ITM2B: variants seen among roughly 807,000 people sequenced by gnomAD.
The protein encoded by ITM2B is integral membrane protein 2B.
A neutral mutation model predicts 27.8 loss-of-function variants in ITM2B; 11 were observed. The ratio of observed to expected loss-of-function variants is 0.40; its 90% CI spans 0.25 to 0.66. The LOEUF is 0.66. ITM2B is among the 30% of genes least tolerant of loss of function. The pLI is 0.43. For synonymous variants in ITM2B, 114 were observed against 114.3 expected, an observed-to-expected ratio of 1.00 and a Z score of 0.02; for missense variants, 296 against 328.9, an observed-to-expected ratio of 0.90 and a Z score of 0.77.
At chr13:48,242,198 T>G (rs1249676218) in intron 1 of ITM2B, among the ~76,000 whole-genome samples, 1 of 152,204 alleles carries the variant, frequency 6.6e-6, no homozygotes, top group African/African-American at 2.4e-5. Context: ...ATTTGAGTAT[T>G]GTAGTATACT....
rs1419963314 is a variant in ITM2B at position 48,262,948 on chromosome 13, A to G, written c.*1724A>G. 1.3e-5 allele frequency: 2 copies of G among 152,030 alleles called. No individual in the cohort carries two copies. The highest frequency in any genetic ancestry group is 2.9e-5 in the Non-Finnish European group (2 of 67,994). 9.4% of individuals were successfully genotyped at this position (152,030 alleles called of 1,614,324 possible). ...TATTGAAGTTTTGCATTTTGGAAGG[A>G]GCTTATTAGTTTGTTTTCCTGTTGA... On this transcript the variant is annotated 3_prime_UTR_variant, in exon 6 of 6. Coordinates refer to ENST00000647800, the MANE Select transcript of ITM2B (RefSeq NM_021999.5).
intron 1 of ITM2B, among the ~76,000 whole-genome samples, chr13:48,252,066 A>G (rs1433101599): frequency 2.0e-5 from 3 of 152,188 alleles, no homozygotes; most frequent in Non-Finnish European, 4.4e-5. Context: ...TGACATTCTC[A>G]TAGCAATGCA....
Position 48,235,562 on chromosome 13 carries a change from G to A in ITM2B, c.117+2085G>A, listed in dbSNP as rs1045601683. On this transcript the variant is annotated intron_variant, in intron 1 of 5. Coordinates refer to ENST00000647800, the MANE Select transcript of ITM2B (RefSeq NM_021999.5). ...CCTTATAATCAGTCAGTCGCTTAAC[G>A]GGAAAAGGAAAACCTTAATGACAGA... Among the ~76,000 whole-genome samples, 12 of 152,170 alleles carry A rather than the reference G, an allele frequency of 7.9e-5. 1 individual carries two copies. The highest frequency in any genetic ancestry group is 2.7e-4 in the African/African-American group (11 of 41,434).
chr13:48,244,299 T>C (rs1040507653), intron 1 of ITM2B, among the ~76,000 whole-genome samples: 1 of 152,224 alleles, frequency 6.6e-6, no homozygotes, highest in Non-Finnish European at 1.5e-5. Flanking sequence ...CTATATTTAT[T>C]CTTAGAAGAA....
At position 48,268,016 on chromosome 13, in the gene ITM2B, A is replaced by G. The variant is rs1290994652; in HGVS notation, c.*6792A>G. On this transcript the variant is annotated 3_prime_UTR_variant, in exon 6 of 6. Transcript: ENST00000647800. ...TGTTAACAATCATCAAAACATTTTCATTGCCCCAGAAAATACCATTGTGCT... is the reference window on the plus strand; with the variant it reads ...TGTTAACAATCATCAAAACATTTTCGTTGCCCCAGAAAATACCATTGTGCT... 6.6e-6 allele frequency: 1 copy of G among 152,132 alleles called. No homozygotes were observed. Among genetic ancestry groups the G allele is most frequent in the African/African-American group, 2.4e-5 (1 of 41,438 alleles). The allele number at this position is 152,132 out of a possible 1,614,324, so 9.4% of individuals were successfully genotyped here.
rs886889474 is a variant in ITM2B, at chr13:48,261,720, G to C, written c.*496G>C. The C allele has an allele frequency of 3.3e-5, 5 of 153,034 alleles. No individual in the cohort carries two copies. Among genetic ancestry groups the C allele is most frequent in the African/African-American group, 1.2e-4 (5 of 41,408 alleles). The allele number at this position is 153,034 out of a possible 1,614,324, so 9.5% of individuals were successfully genotyped here. On this transcript the variant is annotated 3_prime_UTR_variant, in exon 6 of 6. Transcript: ENST00000647800. Reference sequence around the variant, plus strand: ...AGTGTCAAATATATTTAACTATTTAGAGAATGATTTCCACCTTTATGTTTT... The same window carrying C: ...AGTGTCAAATATATTTAACTATTTACAGAATGATTTCCACCTTTATGTTTT...
At chr13:48,259,172 G>A (rs917507235) in intron 5 of ITM2B, among the ~76,000 whole-genome samples, 7 of 152,186 alleles carry the variant, frequency 4.6e-5, no homozygotes, top group African/African-American at 1.7e-4. Flanking sequence ...ATTGCCTTGA[G>A]ATGATGGTAC....
chr13:48,236,393 T>C (rs1252616963), intron 1 of ITM2B, among the ~76,000 whole-genome samples: 2 of 152,236 alleles, frequency 1.3e-5, no homozygotes, highest in Admixed American at 6.5e-5. Flanking sequence ...GTCCCAGTTT[T>C]GTCATTACAT....
At position 48,264,572 on chromosome 13, in the gene ITM2B, CAA is replaced by C. The variant is rs1302449213; in HGVS notation, c.*3350_*3351del. 6.6e-6 allele frequency: 1 copy of C among 152,160 alleles called. No homozygotes were observed. Among genetic ancestry groups the C allele is most frequent in the Non-Finnish European group, 1.5e-5 (1 of 68,026 alleles). 9.4% of individuals were successfully genotyped at this position (152,160 alleles called of 1,614,324 possible). A position where few individuals can be genotyped will look rare whatever the true frequency, so the allele number is the denominator to read the frequency against. ...ACTAGACATCTTCTCTTCCACCTAG[CAA>C]AGAGTTTGTTGCCCAGAGTTATATA... is the stretch of plus-strand genomic sequence containing the variant. On this transcript the variant is annotated 3_prime_UTR_variant, in exon 6 of 6. Transcript: ENST00000647800.
At position 48,264,197 on chromosome 13, in the gene ITM2B, AGTT is replaced by A. The variant is rs1265592937; in HGVS notation, c.*2978_*2980del. The A allele has an allele frequency of 2.6e-5, 4 of 152,300 alleles. No individual in the cohort carries two copies. The East Asian group carries it at 7.7e-4, about 29-fold the overall frequency. The allele number at this position is 152,300 out of a possible 1,614,324, so 9.4% of individuals were successfully genotyped here. Reference sequence around the variant, plus strand: ...GAAAATGCTTCATACAGCTCTGTACAGTTGTTGACAGTGCCTTTTTTGAAACCT... The same window carrying A: ...GAAAATGCTTCATACAGCTCTGTACAGTTGACAGTGCCTTTTTTGAAACCT... On this transcript the variant is annotated 3_prime_UTR_variant, in exon 6 of 6. Coordinates refer to ENST00000647800, the MANE Select transcript of ITM2B (RefSeq NM_021999.5).
chr13:48,244,375 A>G (rs1951714590), intron 1 of ITM2B, among the ~76,000 whole-genome samples: 1 of 152,210 alleles, frequency 6.6e-6, no homozygotes, highest in African/African-American at 2.4e-5. Flanking sequence ...CAATATTACC[A>G]CTGAGTTTTT....
chr13:48,247,182 T>C, intron 1 of ITM2B, among the ~76,000 whole-genome samples: 1 of 152,164 alleles, frequency 6.6e-6, no homozygotes, highest in East Asian at 1.9e-4. Flanking sequence ...GTCCCAGCTG[T>C]TTTGCTGTTT....
intron 5 of ITM2B, among the ~76,000 whole-genome samples, chr13:48,260,502 C>T (rs1951815719): frequency 6.6e-6 from 1 of 152,116 alleles, no homozygotes; most frequent in Non-Finnish European, 1.5e-5. Flanking sequence ...TTTTTCAACC[C>T]TTACCTCCTC....
chr13:48,248,684 A>G (rs1386206635), intron 1 of ITM2B, among the ~76,000 whole-genome samples: 1 of 152,216 alleles, frequency 6.6e-6, no homozygotes, highest in Admixed American at 6.5e-5. Context: ...CATAAAATAC[A>G]CTAACAATAG....
At chr13:48,252,554 C>G (rs1482849750) in intron 1 of ITM2B, among the ~76,000 whole-genome samples, 2 of 152,200 alleles carry the variant, frequency 1.3e-5, no homozygotes, top group African/African-American at 4.8e-5. Context: ...GAAACCATAT[C>G]CCAACACCCC....
Position 48,266,749 on chromosome 13 carries a change from G to A in ITM2B, c.*5525G>A, listed in dbSNP as rs1295289980. On this transcript the variant is annotated 3_prime_UTR_variant, in exon 6 of 6. Transcript: ENST00000647800. The stretch of plus-strand genomic sequence containing the variant: ...TTATACTTTGAGGCTATTTCATCTT[G>A]ATGGGCTTGTTGTTCAAAGTTAGAG... 1 of 152,098 alleles carries A rather than the reference G, an allele frequency of 6.6e-6. No homozygotes were observed. The highest frequency in any genetic ancestry group is 2.4e-5 in the African/African-American group (1 of 41,410). 9.4% of individuals were successfully genotyped at this position (152,098 alleles called of 1,614,324 possible).
intron 1 of ITM2B, among the ~76,000 whole-genome samples, chr13:48,237,464 G>A (rs1205791548): frequency 6.6e-6 from 1 of 152,200 alleles, no homozygotes; most frequent in African/African-American, 2.4e-5. Flanking sequence ...GTTGCATATT[G>A]CACAGGATTG....
At chr13:48,247,444 G>A (rs1455796091) in intron 1 of ITM2B, among the ~76,000 whole-genome samples, 2 of 152,092 alleles carry the variant, frequency 1.3e-5, no homozygotes, top group African/African-American at 4.8e-5. Context: ...ATTTGATACA[G>A]AAATGTAAAA....
Position 48,261,709 on chromosome 13 carries a change from T to G in ITM2B, c.*485T>G, listed in dbSNP as rs762708690. 1 of 153,468 alleles carries G rather than the reference T, an allele frequency of 6.5e-6. No individual in the cohort carries two copies. The highest frequency in any genetic ancestry group is 1.5e-5 in the Non-Finnish European group (1 of 68,522). The allele number at this position is 153,468 out of a possible 1,614,324, so 9.5% of individuals were successfully genotyped here. On this transcript the variant is annotated 3_prime_UTR_variant, in exon 6 of 6. Coordinates refer to ENST00000647800, the MANE Select transcript of ITM2B (RefSeq NM_021999.5). ...GCAGTATTTTCAGTGTCAAATATAT[T>G]TAACTATTTAGAGAATGATTTCCAC...
Sources: allele counts gnomAD v4.1 joint callset (sites outside exome capture counted in the v4.1 genomes callset), GRCh38; gene constraint gnomAD v4.1.1; transcripts MANE v1.5; gene names NCBI Gene and HGNC (gene_info 2026-07-23, HGNC 2026-07-21).